The following RAB44 variants were observed in gnomAD, a reference collection of about 807,000 sequenced individuals.
The protein encoded by RAB44 is RAB44, member RAS oncogene family.
In RAB44, 67 loss-of-function variants were observed where a neutral mutation model predicts 93.3. The observed-to-expected ratio is 0.72, with a 90% CI of 0.59 to 0.88. The LOEUF (loss-of-function observed/expected upper bound fraction) is 0.88, where lower values mean the gene tolerates loss of function less well. Ranked by LOEUF, RAB44 falls within the 40% of genes least tolerant of loss-of-function variation. RAB44 has a pLI of 0.00. For missense variants in RAB44, 1,064 were observed against 1,261.7 expected (o/e 0.84, Z 2.37); for synonymous variants, 427 against 520.3 (o/e 0.82, Z 2.44).
chr6:36,712,433 C>A (rs879767996), intron 2 of RAB44, among the ~76,000 whole-genome samples: 2 of 152,154 alleles, frequency 1.3e-5, no homozygotes, highest in Non-Finnish European at 2.9e-5. Context: ...GGTGCGATCT[C>A]GGCTCACTGC....
chr6:36,730,698 G>A lies in RAB44; in HGVS notation c.2924G>A (p.Cys975Tyr), dbSNP rs1763341299. ...AQELGVYFGE[C>Y]SAALGHNILE... is the part of the protein sequence containing the mutation. ...GAACTGGGGGTCTATTTTGGGGAGT[G>A]CAGTGCCGCCTTGGGTCACAACATC... The change falls in exon 13 of 14, where the codon TGC becomes TAC. Residue 975 changes from cysteine to tyrosine, a missense_variant. Physicochemically the swap from Cys to Tyr is radical, Grantham distance 194 (BLOSUM62 -2). Coordinates refer to ENST00000612677, the MANE Select transcript of RAB44 (RefSeq NM_001257357.2). The A allele has an allele frequency of 8.1e-7, 1 of 1,234,302 alleles. No homozygotes were observed. Among genetic ancestry groups the A allele is most frequent in the Non-Finnish European group, 1.0e-6 (1 of 988,242 alleles). 76.5% of individuals were successfully genotyped at this position (1,234,302 alleles called of 1,614,324 possible).
intron 2 of RAB44, among the ~76,000 whole-genome samples, chr6:36,707,603 TCA>T (rs1762680983): frequency 6.6e-6 from 1 of 152,224 alleles, no homozygotes; most frequent in Non-Finnish European, 1.5e-5. Context: ...GTAGGAATCC[TCA>T]GTCTACTAGC....
chr6:36,720,735 A>G (rs142149000), intron 8 of RAB44, among the ~76,000 whole-genome samples, 185 bp downstream of exon 8: 119 of 152,316 alleles, frequency 7.8e-4, no homozygotes, highest in African/African-American at 2.6e-3. Flanking sequence ...TGGGGCACAA[A>G]AAAGGGAAAC....
chr6:36,699,644 G>A (rs1168664922), intron 1 of RAB44, among the ~76,000 whole-genome samples: 2 of 152,158 alleles, frequency 1.3e-5, no homozygotes, highest in Non-Finnish European at 2.9e-5. Flanking sequence ...CTGTAGCCTT[G>A]GGGAAGTCCA....
chr6:36,713,577 CT>C (rs1762838736), intron 2 of RAB44, among the ~76,000 whole-genome samples: 1 of 152,092 alleles, frequency 6.6e-6, no homozygotes, highest in African/African-American at 2.4e-5. Context: ...AGACATGGGA[CT>C]TAGGACACGT....
At chr6:36,720,670 A>C in intron 8 of RAB44, 120 bp downstream of exon 8, 1 of 776,392 alleles carries the variant, frequency 1.3e-6, no homozygotes, top group Non-Finnish European at 1.7e-6. Flanking sequence ...TCCTTCCTTA[A>C]ACCCCACCCT....
rs749385198 is a variant in RAB44 at position 36,722,610 on chromosome 6, C to A, written c.2476C>A (p.Pro826Thr). The A allele has an allele frequency of 1.3e-6, 2 of 1,550,598 alleles. No individual in the cohort carries two copies. Among genetic ancestry groups the A allele is most frequent in the South Asian group, 1.2e-5 (1 of 84,058 alleles). ...GGGAGACCCCATGGCTGGAGGGGGA[C>A]CCCAGGCCAACCCTGATTACCTCTT... ...SPGDPMAGGGPQANPDYLFHV... is the reference protein window; with the variant it reads ...SPGDPMAGGGTQANPDYLFHV... The change falls in exon 9 of 14, where the codon CCC becomes ACC. Residue 826 changes from proline (P) to threonine (T), a missense_variant. Coordinates refer to ENST00000612677, the MANE Select transcript of RAB44 (RefSeq NM_001257357.2).
intron 1 of RAB44, among the ~76,000 whole-genome samples, chr6:36,699,785 A>G (rs1418350232): frequency 1.3e-5 from 2 of 152,232 alleles, no homozygotes; most frequent in Admixed American, 1.3e-4. Context: ...TTGTATCTGC[A>G]TGGAACCTGG....
chr6:36,717,179 C>T lies in RAB44; in HGVS notation c.495-94C>T, dbSNP rs562703807. 2.1e-5 allele frequency: 24 copies of T among 1,163,392 alleles called. No homozygotes were observed. Among genetic ancestry groups the T allele is most frequent in the South Asian group, 4.5e-5 (1 of 22,278 alleles). 72.1% of individuals were successfully genotyped at this position (1,163,392 alleles called of 1,614,324 possible). ...GCCCAGGTGCCAAAGTCTCTTGGAG[C>T]GCTGCAGTGAAAACTGAGGAGTGGG... On this transcript the variant is annotated intron_variant, in intron 4 of 13. Coordinates refer to ENST00000612677, the MANE Select transcript of RAB44 (RefSeq NM_001257357.2). The surrounding 1 kb of genome is among the most constrained non-coding windows in gnomAD (Gnocchi z 4.1).
chr6:36,724,483 C>T (rs1763183213), intron 9 of RAB44, among the ~76,000 whole-genome samples: 1 of 152,180 alleles, frequency 6.6e-6, no homozygotes, highest in Non-Finnish European at 1.5e-5. Flanking sequence ...GTCACCTAAG[C>T]TACTGTTTAC....
Position 36,717,263 on chromosome 6 carries a change from C to T in RAB44, c.495-10C>T. On this transcript the variant is annotated splice_polypyrimidine_tract_variant and intron_variant, in intron 4 of 13. Transcript: ENST00000612677. The surrounding 1 kb of genome is among the most constrained non-coding windows in gnomAD (Gnocchi z 4.1). Reference sequence around the variant, plus strand: ...GACCCTCCCATCTCTGGCTGTCTTCCCCTCCCCAGGCAGATGGAAATCTGG... The same window carrying T: ...GACCCTCCCATCTCTGGCTGTCTTCTCCTCCCCAGGCAGATGGAAATCTGG... 1.6e-6 allele frequency: 2 copies of T among 1,232,162 alleles called. No homozygotes were observed. The highest frequency in any genetic ancestry group is 2.0e-6 in the Non-Finnish European group (2 of 987,970). 76.3% of individuals were successfully genotyped at this position (1,232,162 alleles called of 1,614,324 possible).
chr6:36,702,330 GAGAGAGAGA>G (rs1762531035), intron 1 of RAB44, among the ~76,000 whole-genome samples: 1 of 68,908 alleles, frequency 1.5e-5, no homozygotes, highest in African/African-American at 5.1e-5. Flanking sequence ...GAGAGAGAGA[GAGAGAGAGA>G]ATGTACTTCT....
rs561642658 is a variant in RAB44, at chr6:36,717,950, A to G, written c.642-78A>G. On this transcript the variant is annotated intron_variant, in intron 5 of 13. Coordinates refer to ENST00000612677, the MANE Select transcript of RAB44 (RefSeq NM_001257357.2). This position sits in a 1 kb window ranked among gnomAD's most constrained non-coding sequence, Gnocchi z 4.1. The stretch of plus-strand genomic sequence containing the variant: ...AGCAATAGGATGGATTCCAAACCCA[A>G]GCCCAGACTGCCCCTGCCAGCAGCA... The G allele has an allele frequency of 8.3e-5, 74 of 894,464 alleles. No homozygotes were observed. The African/African-American group carries it at 1.2e-3, about 15-fold the overall frequency. 55.4% of individuals were successfully genotyped at this position (894,464 alleles called of 1,614,324 possible).
chr6:36,715,840 G>A (rs1762906444), intron 4 of RAB44, among the ~76,000 whole-genome samples, 187 bp downstream of exon 4: 1 of 152,220 alleles, frequency 6.6e-6, no homozygotes, highest in African/African-American at 2.4e-5. Context: ...TTCCTGGGCT[G>A]CAGAATGAGC....
At chr6:36,716,238 G>A (rs547694750) in intron 4 of RAB44, among the ~76,000 whole-genome samples, 25 of 152,308 alleles carry the variant, frequency 1.6e-4, no homozygotes, top group African/African-American at 5.3e-4. Context: ...GGGAGGCTGA[G>A]GCGGGTGGAT....
intron 2 of RAB44, among the ~76,000 whole-genome samples, chr6:36,707,769 G>A (rs918234263): frequency 1.3e-5 from 2 of 152,340 alleles, no homozygotes; most frequent in African/African-American, 4.8e-5. Flanking sequence ...TATAGCAGAG[G>A]CTTCAGGCAG....
rs1027892172 is a variant in RAB44, at chr6:36,717,451, C to T, written c.641+32C>T. 2.0e-5 allele frequency: 25 copies of T among 1,231,862 alleles called. No individual in the cohort carries two copies. The South Asian group carries it at 2.5e-4, about 12-fold the overall frequency. The allele number at this position is 1,231,862 out of a possible 1,614,324, so 76.3% of individuals were successfully genotyped here. ...GGGGGGCCTGGCCGGGTGTCTGATA[C>T]GAAGTAGGTGCTCTTCACATTCCAG... On this transcript the variant is annotated intron_variant, in intron 5 of 13. Transcript: ENST00000612677. The surrounding 1 kb of genome is among the most constrained non-coding windows in gnomAD (Gnocchi z 4.1).
chr6:36,713,791 G>A lies in RAB44; in HGVS notation c.208-37G>A, dbSNP rs1397497751. The A allele has an allele frequency of 7.4e-5, 98 of 1,333,170 alleles. 1 individual carries two copies. The highest frequency in any genetic ancestry group is 8.6e-5 in the Non-Finnish European group (83 of 962,466). 82.6% of individuals were successfully genotyped at this position (1,333,170 alleles called of 1,614,324 possible). ...GTTTTGGAGGGTGAGAGCCTTCCCC[G>A]GTGGGAACACCTGCCCAACTTGCCC... On this transcript the variant is annotated intron_variant, in intron 2 of 13. Transcript: ENST00000612677.
intron 1 of RAB44, among the ~76,000 whole-genome samples, chr6:36,703,829 G>A (rs1242271598): frequency 6.6e-6 from 1 of 152,160 alleles, no homozygotes; most frequent in African/African-American, 2.4e-5. Flanking sequence ...TGGCCCTTCA[G>A]ACAGCTAGAT....
Sources: allele counts gnomAD v4.1 joint callset (sites outside exome capture counted in the v4.1 genomes callset), GRCh38; gene constraint gnomAD v4.1.1; non-coding constraint Gnocchi (gnomAD v3.1); transcripts MANE v1.5; gene names NCBI Gene and HGNC (gene_info 2026-07-23, HGNC 2026-07-21).